Variants in SDK1 observed in about 807,000 individuals in gnomAD.
The protein encoded by SDK1 is protein sidekick-1.
SDK1 carries 157 observed loss-of-function variants against 245.5 expected under a neutral mutation model. That is an observed-to-expected ratio of 0.64 (90% CI 0.56 to 0.73). The LOEUF is 0.73. Ranked by LOEUF, SDK1 falls within the 30% of genes least tolerant of loss-of-function variation. The pLI, the probability that SDK1 is intolerant of heterozygous loss-of-function variation, is 0.00. For synonymous variants in SDK1, 1,647 were observed against 1,278.5 expected, an observed-to-expected ratio of 1.29 and a Z score of -6.15; for missense variants, 3,583 against 3,002.3, an observed-to-expected ratio of 1.19 and a Z score of -4.52.
chr7:3,843,880 T>G (rs967956954), intron 5 of SDK1, among the ~76,000 whole-genome samples: 2 of 152,190 alleles, frequency 1.3e-5, no homozygotes, highest in Admixed American at 6.5e-5. Context: ...TGAAGATGTA[T>G]ATGAAGGTTT....
At chr7:3,963,828 C>T (rs573026476) in intron 9 of SDK1, among the ~76,000 whole-genome samples, 3 of 151,690 alleles carry the variant, frequency 2.0e-5, no homozygotes, top group African/African-American at 4.8e-5. Flanking sequence ...CCCAGGCCGA[C>T]GGCTACCCAG....
intron 4 of SDK1, among the ~76,000 whole-genome samples, chr7:3,707,518 G>A (rs745629882): frequency 6.6e-6 from 1 of 152,324 alleles, no homozygotes; most frequent in South Asian, 2.1e-4. Context: ...AGAAGAATGT[G>A]TATCTGCAGT....
intron 14 of SDK1, among the ~76,000 whole-genome samples, chr7:3,991,670 C>G (rs10265048): frequency 6.6e-6 from 1 of 152,218 alleles, no homozygotes; most frequent in Admixed American, 6.5e-5. Flanking sequence ...AGCTGTCTTT[C>G]CTTCAGAGCC....
At chr7:3,906,112 G>C (rs1439233234) in intron 5 of SDK1, among the ~76,000 whole-genome samples, 3 of 151,796 alleles carry the variant, frequency 2.0e-5, no homozygotes, top group African/African-American at 7.3e-5. Context: ...TTTTCATTCA[G>C]TTATTTTCTC....
At chr7:3,573,175 C>T (rs1186529314) in intron 1 of SDK1, among the ~76,000 whole-genome samples, 1 of 152,054 alleles carries the variant, frequency 6.6e-6, no homozygotes, top group African/African-American at 2.4e-5. Flanking sequence ...TGATGAAATA[C>T]TTAGGAAGAT....
At chr7:3,651,944 T>C (rs1466085872) in intron 4 of SDK1, among the ~76,000 whole-genome samples, 1 of 152,130 alleles carries the variant, frequency 6.6e-6, no homozygotes, top group Non-Finnish European at 1.5e-5. Flanking sequence ...GGACGGTATT[T>C]TCAGACAAGC....
Position 4,130,025 on chromosome 7 carries a change from G to T in SDK1, c.4057G>T (p.Val1353Leu). 1 of 1,613,482 alleles carries T rather than the reference G, an allele frequency of 6.2e-7. No individual in the cohort carries two copies. The highest frequency in any genetic ancestry group is 1.1e-5 in the South Asian group (1 of 91,054). ...CAAGTTCGTGCTCTACGAGCTCCAG[G>T]TGCTGGCGTTCACCCGCATCGGGAA... ...LRKFVLYELQ[V>L]LAFTRIGNGV... The change falls in exon 27 of 45, where the codon GTG becomes TTG. Residue 1353 changes from valine (V) to leucine (L), a missense_variant. Physicochemically the swap from Val to Leu is conservative, Grantham distance 32. Transcript: ENST00000404826.
chr7:4,162,358 T>TGG, intron 32 of SDK1, among the ~76,000 whole-genome samples: 2 of 111,668 alleles, frequency 1.8e-5, no homozygotes, highest in Non-Finnish European at 3.8e-5. Flanking sequence ...GTGGTGGTGG[T>TGG]TGTTGTTGTT....
At chr7:4,083,743 T>TCCTTTACTTCCTCCCTCCC (rs1554335225) in intron 22 of SDK1, among the ~76,000 whole-genome samples, 7 of 934 alleles carry the variant, frequency 7.5e-3, no homozygotes, top group Non-Finnish European at 0.014. Flanking sequence ...CATCCCTCCC[T>TCCTTTACTTCCTCCCTCCC]TCCTTTACTT....
chr7:3,971,905 C>T (rs1242300094), intron 12 of SDK1, among the ~76,000 whole-genome samples: 1 of 152,076 alleles, frequency 6.6e-6, no homozygotes, highest in Non-Finnish European at 1.5e-5. Flanking sequence ...GACTAGGATT[C>T]AGCATTGTTT....
chr7:3,710,507 G>T (rs1457526448), intron 4 of SDK1, among the ~76,000 whole-genome samples: 1 of 152,202 alleles, frequency 6.6e-6, no homozygotes, highest in African/African-American at 2.4e-5. Context: ...GAAACAAGCT[G>T]CTTAGGGAAA....
At chr7:4,256,218 C>A (rs767304113) in intron 44 of SDK1, among the ~76,000 whole-genome samples, 1 of 152,252 alleles carries the variant, frequency 6.6e-6, no homozygotes, top group Non-Finnish European at 1.5e-5. Flanking sequence ...CTGCACCCAG[C>A]CTTCAGAGAT....
At chr7:4,154,877 G>T (rs1193053216) in intron 30 of SDK1, among the ~76,000 whole-genome samples, 1 of 152,072 alleles carries the variant, frequency 6.6e-6, no homozygotes, top group Non-Finnish European at 1.5e-5. Flanking sequence ...GGGTGTTCTT[G>T]CATCCTGTGT....
In SDK1 at chr7:3,346,470, T is replaced by G. The variant is rs560012788; in HGVS notation, c.298+44586T>G. On this transcript the variant is annotated intron_variant, in intron 1 of 44. Coordinates refer to ENST00000404826, the MANE Select transcript of SDK1 (RefSeq NM_152744.4). ...TTCAGATTCCACAAGTGTGCTGTGCTTTCTGGTGCCCTTGTGGTAATAACA... is the reference window on the plus strand; with the variant it reads ...TTCAGATTCCACAAGTGTGCTGTGCGTTCTGGTGCCCTTGTGGTAATAACA... 5.3e-5 allele frequency among the ~76,000 whole-genome samples: 8 copies of G among 152,278 alleles called. No homozygotes were observed. The East Asian group carries it at 1.5e-3, about 29-fold the overall frequency.
chr7:3,635,823 C>T (rs1188857698), intron 2 of SDK1, among the ~76,000 whole-genome samples: 6 of 152,172 alleles, frequency 3.9e-5, no homozygotes, highest in Non-Finnish European at 5.9e-5. Flanking sequence ...CTTCCCACCT[C>T]AGCCCCTAAG....
intron 1 of SDK1, among the ~76,000 whole-genome samples, chr7:3,435,459 T>A (rs896176203): frequency 2.0e-5 from 3 of 150,732 alleles, no homozygotes; most frequent in African/African-American, 7.3e-5. Flanking sequence ...GGCTCCTGAG[T>A]AGCTGGGACT....
At chr7:3,874,336 C>T (rs1467409244) in intron 5 of SDK1, among the ~76,000 whole-genome samples, 1 of 152,164 alleles carries the variant, frequency 6.6e-6, no homozygotes, top group African/African-American at 2.4e-5. Flanking sequence ...GCACTGGTCC[C>T]CTCAGGGAAT....
At chr7:3,391,442 C>T (rs1583788149) in intron 1 of SDK1, among the ~76,000 whole-genome samples, 1 of 151,670 alleles carries the variant, frequency 6.6e-6, no homozygotes, top group South Asian at 2.1e-4. Flanking sequence ...TTCTGGAGGT[C>T]TTGCTTAAGC....
intron 1 of SDK1, among the ~76,000 whole-genome samples, chr7:3,476,471 T>C (rs983800210): frequency 6.6e-6 from 1 of 152,226 alleles, no homozygotes; most frequent in Non-Finnish European, 1.5e-5. Flanking sequence ...TTGTAATCTA[T>C]TTCTACATTT....
Sources: gnomAD v4.1 joint callset for allele counts (sites outside exome capture counted in the v4.1 genomes callset) on GRCh38, gnomAD v4.1.1 for gene constraint, MANE v1.5 for transcripts, NCBI Gene and HGNC (gene_info 2026-07-23, HGNC 2026-07-21) for gene names.